The following MATK variants were observed in gnomAD, a reference collection of about 807,000 sequenced individuals.
MATK encodes the protein megakaryocyte-associated tyrosine-protein kinase.
Under a neutral mutation model 59.8 loss-of-function variants are expected in MATK, and 41 were observed. The ratio of observed to expected loss-of-function variants is 0.69; its 90% CI spans 0.53 to 0.89. MATK has a LOEUF of 0.89. MATK is among the 40% of genes least tolerant of loss of function. The pLI is 0.00. For missense variants in MATK, 593 were observed against 719.6 expected, an observed-to-expected ratio of 0.82 and a Z score of 2.01; for synonymous variants, 308 against 306.1, an observed-to-expected ratio of 1.01 and a Z score of -0.06.
intron 1 of MATK, among the ~76,000 whole-genome samples, chr19:3,796,687 C>T (rs77068983): frequency 5.5e-4 from 83 of 152,230 alleles, no homozygotes; most frequent in African/African-American, 1.8e-3. Context: ...CTCTCTTCTT[C>T]GGCACAAGGG....
At chr19:3,788,529 G>A (rs991126738), upstream of MATK, among the ~76,000 whole-genome samples, 18 of 146,776 alleles carry the variant, frequency 1.2e-4, no homozygotes, top group African/African-American at 4.5e-4. Flanking sequence ...CCAAGGTAGA[G>A]AATTGCTTGA....
intron 1 of MATK, among the ~76,000 whole-genome samples, chr19:3,798,343 G>T (rs1252067328): frequency 6.6e-6 from 1 of 151,320 alleles, no homozygotes; most frequent in Non-Finnish European, 1.5e-5. Flanking sequence ...CCTCACCACA[G>T]GGCGGCCTCA....
chr19:3,784,057 C>T (rs1164964707), intron 5 of MATK, 24 bp from the exon 6 acceptor site: 2 of 1,595,820 alleles, frequency 1.3e-6, no homozygotes, highest in Admixed American at 1.7e-5. Flanking sequence ...AGGGGTGGGT[C>T]AGACTGGGCT....
chr19:3,795,363 C>T (rs1383189003), intron 1 of MATK, among the ~76,000 whole-genome samples: 1 of 151,556 alleles, frequency 6.6e-6, no homozygotes, highest in Non-Finnish European at 1.5e-5. Context: ...ACTTCTGCCT[C>T]CTGGGTTCAA....
chr19:3,783,898 G>A lies in MATK; in HGVS notation c.498C>T (p.Val166=), dbSNP rs753299522. ...YVLCVSFGRD[V]IHYRVLHRDG... ...CGCGGTGCAGCACGCGGTAGTGGAT[G>A]ACGTCGCGGCCAAAGCTCACGCACA... Residue 166 remains valine (V), a synonymous_variant, in exon 6 of 14, where the codon GTC becomes GTT. Coordinates refer to ENST00000310132, the MANE Select transcript of MATK (RefSeq NM_139355.3). 3.7e-6 allele frequency: 6 copies of A among 1,612,940 alleles called. No homozygotes were observed. Among genetic ancestry groups the A allele is most frequent in the Admixed American group, 3.3e-5 (2 of 60,000 alleles).
In MATK at chr19:3,779,787, C is replaced by G; in HGVS notation, c.753G>C (p.Gln251His). 1.2e-6 allele frequency: 2 copies of G among 1,610,812 alleles called. No homozygotes were observed. Among genetic ancestry groups the G allele is most frequent in the Non-Finnish European group, 1.7e-6 (2 of 1,178,074 alleles). ...CCACCTTTTGCCCCAGGTACTCACCCTGCAGGACAGCTGGGGGGTGGGGGT... is the reference window on the plus strand; with the variant it reads ...CCACCTTTTGCCCCAGGTACTCACCGTGCAGGACAGCTGGGGGGTGGGGGT... The part of the protein sequence containing the change: ...IGEGEFGAVL[Q>H]GEYLGQKVAV... The change falls in exon 9 of 14, where the codon CAG (glutamine) becomes CAC (histidine). Residue 251 changes from glutamine (Q) to histidine (H), a missense_variant. By Grantham distance (24) the Gln-to-His change is conservative. Coordinates refer to ENST00000310132, the MANE Select transcript of MATK (RefSeq NM_139355.3).
chr19:3,794,104 T>C (rs1446770125), intron 1 of MATK, among the ~76,000 whole-genome samples: 1 of 152,146 alleles, frequency 6.6e-6, no homozygotes, highest in Non-Finnish European at 1.5e-5. Flanking sequence ...GCTACTTCTC[T>C]GCACTTTCAG....
chr19:3,791,037 T>G (rs2037536415), upstream of MATK, among the ~76,000 whole-genome samples: 1 of 152,190 alleles, frequency 6.6e-6, no homozygotes, highest in East Asian at 1.9e-4. Flanking sequence ...TGCCTGGAAT[T>G]CACGTGACAC....
At chr19:3,795,064 A>G (rs1318468100) in intron 1 of MATK, among the ~76,000 whole-genome samples, 1 of 125,638 alleles carries the variant, frequency 8.0e-6, no homozygotes, top group Admixed American at 1.0e-4. Flanking sequence ...TGCACGCTCC[A>G]CCTCCCAGGT....
At chr19:3,782,569 G>T (rs957674594) in intron 7 of MATK, among the ~76,000 whole-genome samples, 2 of 152,368 alleles carry the variant, frequency 1.3e-5, no homozygotes, top group South Asian at 2.1e-4. Flanking sequence ...GACCTGGGAG[G>T]GGGTGGATGT....
At chr19:3,789,267 T>C (rs961278621), upstream of MATK, 1 of 776,064 alleles carries the variant, frequency 1.3e-6, no homozygotes, top group Admixed American at 1.7e-5. Context: ...CTAATTTGAT[T>C]CTCACCAGAA....
chr19:3,781,294 C>A (rs1359966812), intron 8 of MATK, among the ~76,000 whole-genome samples: 1 of 152,014 alleles, frequency 6.6e-6, no homozygotes, highest in Non-Finnish European at 1.5e-5. Context: ...AACCCCAGAG[C>A]CTTCCAGAAT....
At position 3,786,240 on chromosome 19, in the gene MATK, C is replaced by T; in HGVS notation, c.-223G>A. 1.0e-6 allele frequency: 1 copy of T among 985,350 alleles called. No homozygotes were observed. Among genetic ancestry groups the T allele is most frequent in the Non-Finnish European group, 1.2e-6 (1 of 829,934 alleles). The allele number at this position is 985,350 out of a possible 1,614,324, so 61.0% of individuals were successfully genotyped here. On this transcript the variant is annotated 5_prime_UTR_variant, in exon 1 of 14. In the 5' UTR this introduces an upstream ATG that the reference lacks. Coordinates refer to ENST00000310132, the MANE Select transcript of MATK (RefSeq NM_139355.3). The surrounding 1 kb of genome is among the most constrained non-coding windows in gnomAD (Gnocchi z 4.1). ...AGGGCCTCCGCGAGCCGGCTGCACACCCCGAGGCGGTCCCGGCTGCACAAC... is the reference window on the plus strand; with the variant it reads ...AGGGCCTCCGCGAGCCGGCTGCACATCCCGAGGCGGTCCCGGCTGCACAAC...
upstream of MATK, chr19:3,789,441 G>A: frequency 1.7e-6 from 1 of 598,494 alleles, no homozygotes; most frequent in South Asian, 2.0e-5. Context: ...TCCTCCCGAG[G>A]AGCCCCAGGG....
chr19:3,796,603 T>C (rs2037597147), intron 1 of MATK, among the ~76,000 whole-genome samples: 1 of 152,140 alleles, frequency 6.6e-6, no homozygotes, highest in African/African-American at 2.4e-5. Flanking sequence ...TGTGACTCTT[T>C]CCCCCAGCCT....
At position 3,780,528 on chromosome 19, in the gene MATK, G is replaced by A. The variant is rs567256611; in HGVS notation, c.743-731C>T. On this transcript the variant is annotated intron_variant, in intron 8 of 13. Transcript: ENST00000310132. ...CTGCAAGCTCTGCCTCCCAGGTCAC[G>A]CCATTCTCCTGCCTCAGCCTCCCAA... Among the ~76,000 whole-genome samples the A allele has an allele frequency of 5.6e-4, 85 of 151,132 alleles. 2 individuals are homozygous for A. The South Asian group carries it at 0.016, about 28-fold the overall frequency.
At chr19:3,786,434 C>G, upstream of MATK, 1 of 976,742 alleles carries the variant, frequency 1.0e-6, no homozygotes, top group Non-Finnish European at 1.2e-6. The surrounding 1 kb of genome is among the most constrained non-coding windows in gnomAD (Gnocchi z 4.1). Flanking sequence ...GCCCCGCCTC[C>G]GCGGCCCCCG....
upstream of MATK, among the ~76,000 whole-genome samples, chr19:3,790,949 G>A (rs1184882638): frequency 2.0e-5 from 3 of 152,162 alleles, no homozygotes; most frequent in African/African-American, 7.2e-5. Flanking sequence ...GGCCAGCCTG[G>A]AGGAAACAGA....
chr19:3,796,860 C>G (rs2037599856), intron 1 of MATK, among the ~76,000 whole-genome samples: 2 of 152,146 alleles, frequency 1.3e-5, no homozygotes, highest in South Asian at 2.1e-4. Flanking sequence ...TAGGTGGATA[C>G]TTTTCTTTTG....
Sources: allele counts gnomAD v4.1 joint callset (sites outside exome capture counted in the v4.1 genomes callset), GRCh38; gene constraint gnomAD v4.1.1; non-coding constraint Gnocchi (gnomAD v3.1); transcripts MANE v1.5; gene names NCBI Gene and HGNC (gene_info 2026-07-23, HGNC 2026-07-21).